The following FRY variants were observed in gnomAD, a reference collection of about 807,000 sequenced individuals.
FRY encodes protein furry homolog.
Under a neutral mutation model 348.4 loss-of-function variants are expected in FRY, and 128 were observed. The observed-to-expected ratio is 0.37, with a 90% CI of 0.32 to 0.43. The LOEUF is 0.43. Among genes scored for constraint, FRY ranks in the 20% least tolerant of loss-of-function variants. The pLI, the probability that FRY is intolerant of heterozygous loss-of-function variation, is 1.00. For missense variants in FRY, 2,736 were observed against 3,695.2 expected, an observed-to-expected ratio of 0.74 and a Z score of 6.73; for synonymous variants, 1,370 against 1,374.7, an observed-to-expected ratio of 1.00 and a Z score of 0.08.
At chr13:32,197,970 TAATTA>T (rs1883777820) in intron 29 of FRY, among the ~76,000 whole-genome samples, 1 of 152,232 alleles carries the variant, frequency 6.6e-6, no homozygotes, top group African/African-American at 2.4e-5. Flanking sequence ...CTATGCTGAA[TAATTA>T]AATATTGAAA....
Position 32,265,495 on chromosome 13 carries a change from G to C in FRY, c.7825G>C (p.Asp2609His), listed in dbSNP as rs756802165. The change falls in exon 54 of 61, where the codon GAT becomes CAT. Residue 2609 changes from aspartate to histidine, a missense_variant. By Grantham distance (81) the Asp-to-His change is moderately conservative. Around this residue, in one of 9 missense-constraint regions of FRY, gnomAD observed 789 missense variants for 996.2 expected, o/e 0.79. Coordinates refer to ENST00000542859, the MANE Select transcript of FRY (RefSeq NM_023037.3). The stretch of plus-strand genomic sequence containing the variant: ...GGAGGACACCACCGTGCATGAGGAT[G>C]ATCTTTCTAGTTCCATCAATGAACT... ...EEEDTTVHEDDLSSSINELPA... is the reference protein window; with the variant it reads ...EEEDTTVHEDHLSSSINELPA... 1 of 1,614,200 alleles carries C rather than the reference G, an allele frequency of 6.2e-7. No individual in the cohort carries two copies. The highest frequency in any genetic ancestry group is 8.5e-7 in the Non-Finnish European group (1 of 1,180,028).
chr13:32,106,684 C>T (rs540658054), intron 3 of FRY, among the ~76,000 whole-genome samples: 2 of 152,306 alleles, frequency 1.3e-5, no homozygotes, highest in African/African-American at 4.8e-5. Flanking sequence ...ATGTCAATCA[C>T]ATGGCCACAT....
In FRY at chr13:32,182,961, C is replaced by T; in HGVS notation, c.2997-16C>T. ...CAAAAACAATGAATTTCAAATTTGACCTTTTTCCTCCACAGAGAATTGGTA... is the reference window on the plus strand; with the variant it reads ...CAAAAACAATGAATTTCAAATTTGATCTTTTTCCTCCACAGAGAATTGGTA... On this transcript the variant is annotated splice_polypyrimidine_tract_variant and intron_variant, in intron 23 of 60. Transcript: ENST00000542859. The T allele has an allele frequency of 6.4e-7, 1 of 1,563,120 alleles. No homozygotes were observed. The highest frequency in any genetic ancestry group is 8.8e-7 in the Non-Finnish European group (1 of 1,134,700).
intron 1 of FRY, among the ~76,000 whole-genome samples, chr13:32,068,852 A>G (rs982832746): frequency 3.3e-5 from 5 of 151,846 alleles, no homozygotes; most frequent in African/African-American, 1.2e-4. Context: ...AGGTCTTTCT[A>G]AGGTATGTGT....
chr13:32,274,915 G>C lies in FRY; in HGVS notation c.8210G>C (p.Gly2737Ala). ...CTTGGAGATAACCTCCGGGGAATCGGATCCAAATTTGTCAGCTCTTCCCAG... is the reference window on the plus strand; with the variant it reads ...CTTGGAGATAACCTCCGGGGAATCGCATCCAAATTTGTCAGCTCTTCCCAG... Reference protein sequence around the residue: ...SYLGDNLRGIGSKFVSSSQML... With the variant: ...SYLGDNLRGIASKFVSSSQML... The change falls in exon 56 of 61, where the codon GGA becomes GCA. Residue 2737 changes from glycine (G) to alanine (A), a missense_variant. Around this residue, in one of 9 missense-constraint regions of FRY, gnomAD observed 789 missense variants for 996.2 expected, o/e 0.79. Transcript: ENST00000542859. The C allele has an allele frequency of 6.2e-7, 1 of 1,613,180 alleles. No individual in the cohort carries two copies. Among genetic ancestry groups the C allele is most frequent in the Non-Finnish European group, 8.5e-7 (1 of 1,179,248 alleles).
In FRY at chr13:32,054,872, C is replaced by G. The variant is rs549805990; in HGVS notation, c.70+23007C>G. Among the ~76,000 whole-genome samples the G allele has an allele frequency of 5.9e-5, 9 of 152,078 alleles. No individual in the cohort carries two copies. In the South Asian group the frequency reaches 1.9e-3, roughly 32 times the overall value. ...CCTGGGCGACGGAGCGAGACTCCGT[C>G]TCAAAAATACATAAATAAATAAATA... On this transcript the variant is annotated intron_variant, in intron 1 of 60. Coordinates refer to ENST00000542859, the MANE Select transcript of FRY (RefSeq NM_023037.3).
intron 2 of FRY, among the ~76,000 whole-genome samples, chr13:32,098,441 G>A (rs547464699): frequency 3.3e-5 from 5 of 152,030 alleles, no homozygotes; most frequent in African/African-American, 9.7e-5. Context: ...GATGGTGCTC[G>A]GTGCCTCACT....
intron 1 of FRY, among the ~76,000 whole-genome samples, chr13:32,041,979 A>G (rs934393100): frequency 6.6e-6 from 1 of 152,258 alleles, no homozygotes; most frequent in South Asian, 2.1e-4. Flanking sequence ...AAAGATCAAA[A>G]TTATAAGTGA....
At chr13:32,286,192 G>A (rs542510003) in intron 58 of FRY, among the ~76,000 whole-genome samples, 1 of 152,178 alleles carries the variant, frequency 6.6e-6, no homozygotes, top group South Asian at 2.1e-4. Flanking sequence ...CTTATTTACT[G>A]TACCTTATTT....
In FRY at chr13:32,033,448, C is replaced by A. The variant is rs557539950; in HGVS notation, c.70+1583C>A. ...CATTAAATAGAAAATTATGTTGTGA[C>A]AATACTGAGGCCAATGGGATTTCTT... is the stretch of plus-strand genomic sequence containing the variant. On this transcript the variant is annotated intron_variant, in intron 1 of 60. Coordinates refer to ENST00000542859, the MANE Select transcript of FRY (RefSeq NM_023037.3). 8.7e-4 allele frequency among the ~76,000 whole-genome samples: 132 copies of A among 152,232 alleles called. 1 individual carries two copies. In the Middle Eastern group the frequency reaches 0.01, roughly 12 times the overall value.
intron 11 of FRY, among the ~76,000 whole-genome samples, chr13:32,137,831 C>CT (rs896186696): frequency 2.0e-5 from 3 of 151,254 alleles, no homozygotes; most frequent in African/African-American, 4.9e-5. Context: ...TACACGTTAC[C>CT]TTTTTTTTTC....
intron 41 of FRY, 59 bp from the exon 42 acceptor site, chr13:32,234,515 T>G (rs1255558149): frequency 2.0e-6 from 3 of 1,470,354 alleles, no homozygotes; most frequent in South Asian, 1.1e-5. Context: ...GAGGTAACTT[T>G]GATGCCCCAG....
At chr13:32,281,031 C>A (rs747965794) in intron 58 of FRY, among the ~76,000 whole-genome samples, 2 of 152,140 alleles carry the variant, frequency 1.3e-5, no homozygotes, top group Non-Finnish European at 2.9e-5. Flanking sequence ...CCTATTCGTG[C>A]ACCTCTTTCT....
chr13:32,041,415 TC>T (rs1210591184), intron 1 of FRY, among the ~76,000 whole-genome samples: 1 of 146,790 alleles, frequency 6.8e-6, no homozygotes. Flanking sequence ...TGCCTTAGCC[TC>T]CCGAGTAGCT....
intron 2 of FRY, among the ~76,000 whole-genome samples, chr13:32,095,300 C>CTTCACT (rs992053683): frequency 2.3e-5 from 3 of 131,268 alleles, no homozygotes; most frequent in African/African-American, 8.6e-5. Flanking sequence ...TGGATTGTCT[C>CTTCACT]TTCACTTTGT....
At chr13:32,156,913 C>G (rs531030751) in intron 15 of FRY, among the ~76,000 whole-genome samples, 2 of 152,222 alleles carry the variant, frequency 1.3e-5, no homozygotes, top group South Asian at 4.1e-4. Context: ...GAGAATTATT[C>G]TTTATTTACA....
At chr13:32,097,362 C>CTTTTTT in intron 2 of FRY, among the ~76,000 whole-genome samples, 1 of 126,494 alleles carries the variant, frequency 7.9e-6, no homozygotes, top group Non-Finnish European at 1.6e-5. Context: ...CCTTTTTTTC[C>CTTTTTT]TTTTTTTTTT....
intron 3 of FRY, among the ~76,000 whole-genome samples, chr13:32,116,239 A>G (rs572457745): frequency 7.1e-4 from 108 of 152,202 alleles, no homozygotes; most frequent in Middle Eastern, 3.4e-3. Context: ...GTTTTTTTCT[A>G]TCAGCGGTAT....
chr13:32,262,864 G>C (rs1445379463), intron 53 of FRY, among the ~76,000 whole-genome samples: 1 of 102,602 alleles, frequency 9.7e-6, no homozygotes, highest in Admixed American at 9.7e-5. Flanking sequence ...GCACATATTT[G>C]GGGAATTTTT....
Sources: allele counts gnomAD v4.1 joint callset (sites outside exome capture counted in the v4.1 genomes callset), GRCh38; gene constraint gnomAD v4.1.1; regional missense constraint gnomAD v4.1.1; transcripts MANE v1.5; gene names NCBI Gene and HGNC (gene_info 2026-07-23, HGNC 2026-07-21).